Variants in FSHR observed in about 807,000 individuals in gnomAD.
FSHR encodes the protein follicle stimulating hormone receptor.
A neutral mutation model predicts 52.1 loss-of-function variants in FSHR; 46 were observed. The observed-to-expected ratio is 0.88, with a 90% CI of 0.70 to 1.13. The LOEUF (loss-of-function observed/expected upper bound fraction) is 1.13, where lower values mean the gene tolerates loss of function less well. Ranked by LOEUF, FSHR falls within the 50% of genes most tolerant of loss-of-function variation. The probability of loss-of-function intolerance (pLI) is 0.00; values close to 1 mark genes in which losing one functional copy is unlikely to be tolerated. For synonymous variants in FSHR, 399 were observed against 309.6 expected, an observed-to-expected ratio of 1.29 and a Z score of -3.03; for missense variants, 964 against 834.6, an observed-to-expected ratio of 1.16 and a Z score of -1.91.
At chr2:48,995,293 CTGTA>C in intron 4 of FSHR, among the ~76,000 whole-genome samples, 1 of 152,162 alleles carries the variant, frequency 6.6e-6, no homozygotes, top group Admixed American at 6.5e-5. Context: ...TGGTGGAAAA[CTGTA>C]TGCTACTGAT....
intron 4 of FSHR, among the ~76,000 whole-genome samples, chr2:48,994,901 C>G (rs1675954424): frequency 6.6e-6 from 1 of 152,066 alleles, no homozygotes; most frequent in African/African-American, 2.4e-5. Flanking sequence ...CCTGATTGTC[C>G]TTAATCTTCA....
At chr2:48,968,667 T>C (rs1674588639) in intron 9 of FSHR, 31 bp downstream of exon 9, 1 of 1,611,560 alleles carries the variant, frequency 6.2e-7, no homozygotes, top group African/African-American at 1.3e-5. Context: ...ATTGGGGAAA[T>C]GCCTGAGCAG....
At chr2:49,083,599 C>T (rs1456984049) in intron 1 of FSHR, among the ~76,000 whole-genome samples, 2 of 148,814 alleles carry the variant, frequency 1.3e-5, no homozygotes, top group Non-Finnish European at 3.0e-5. Flanking sequence ...TCAGGAAACC[C>T]ATCTCACGTG....
chr2:49,087,070 G>GTTTTT (rs56890721), intron 1 of FSHR, among the ~76,000 whole-genome samples: 11,513 of 86,500 alleles, frequency 0.13, 1,434 homozygotes, highest in Non-Finnish European at 0.17. Flanking sequence ...TGTGGGCAGG[G>GTTTTT]TTTTTTTTTT....
At chr2:49,069,237 G>T (rs1443882976) in intron 1 of FSHR, among the ~76,000 whole-genome samples, 1 of 151,964 alleles carries the variant, frequency 6.6e-6, no homozygotes, top group Non-Finnish European at 1.5e-5. Context: ...GTCTTGCCGT[G>T]GTATCCTCTA....
intron 4 of FSHR, among the ~76,000 whole-genome samples, chr2:48,994,157 A>T (rs565828275): frequency 6.6e-6 from 1 of 152,298 alleles, no homozygotes; most frequent in African/African-American, 2.4e-5. Flanking sequence ...TTTTGTCAAG[A>T]GATGAACTCA....
In FSHR at chr2:49,137,930, A is replaced by G. The variant is rs534017326; in HGVS notation, c.152+16336T>C. Reference sequence around the variant, plus strand: ...GGATATGACACCAAAAGCACAAAAAAAGAATAAAAAAATACTTTGAATGTT... The same window carrying G: ...GGATATGACACCAAAAGCACAAAAAGAGAATAAAAAAATACTTTGAATGTT... On this transcript the variant is annotated intron_variant, in intron 1 of 9. Coordinates refer to ENST00000406846, the MANE Select transcript of FSHR (RefSeq NM_000145.4). 5.9e-5 allele frequency among the ~76,000 whole-genome samples: 9 copies of G among 152,306 alleles called. No individual in the cohort carries two copies. The South Asian group carries it at 1.9e-3, about 32-fold the overall frequency.
chr2:49,061,181 C>T (rs1418578255), intron 2 of FSHR, among the ~76,000 whole-genome samples: 2 of 152,038 alleles, frequency 1.3e-5, no homozygotes, highest in East Asian at 1.9e-4. Flanking sequence ...TACATCTAAT[C>T]CTGCCAAGGA....
In FSHR at chr2:49,087,364, G is replaced by A. The variant is rs564671468; in HGVS notation, c.153-19074C>T. The stretch of plus-strand genomic sequence containing the variant: ...GGAAGGGAAACAAGAAAGCCAGAGA[G>A]GGGAGTCCAAGATGAAGAATCAGAA... On this transcript the variant is annotated intron_variant, in intron 1 of 9. Coordinates refer to ENST00000406846, the MANE Select transcript of FSHR (RefSeq NM_000145.4). 2.9e-4 allele frequency among the ~76,000 whole-genome samples: 44 copies of A among 152,164 alleles called. No individual in the cohort carries two copies. In the South Asian group the frequency reaches 8.9e-3, roughly 31 times the overall value.
intron 1 of FSHR, among the ~76,000 whole-genome samples, chr2:49,123,531 C>A (rs530253409): frequency 5.9e-5 from 9 of 152,204 alleles, no homozygotes; most frequent in East Asian, 1.9e-4. Context: ...AAAGAAATGG[C>A]AAATATTTGA....
At chr2:49,138,177 A>G (rs1470652211) in intron 1 of FSHR, among the ~76,000 whole-genome samples, 1 of 152,188 alleles carries the variant, frequency 6.6e-6, no homozygotes, top group Non-Finnish European at 1.5e-5. Flanking sequence ...ATAGCACTTT[A>G]TACTCAAGAG....
chr2:49,101,630 A>G (rs1671030906), intron 1 of FSHR, among the ~76,000 whole-genome samples: 1 of 152,138 alleles, frequency 6.6e-6, no homozygotes, highest in Admixed American at 6.6e-5. Flanking sequence ...TTTAGCTCCT[A>G]GTTGAAGGGG....
In FSHR at chr2:48,982,964, AATT is replaced by A; in HGVS notation, c.613_615del (p.Asn205del). ...AAAACATCATTAGGCAATTCTTCTA[AATT>A]ATTATTATCGCTTAGATTCCTGGGG... On this transcript the variant is annotated inframe_deletion, in exon 8 of 10. Coordinates refer to ENST00000406846, the MANE Select transcript of FSHR (RefSeq NM_000145.4). The A allele has an allele frequency of 6.2e-7, 1 of 1,614,108 alleles. No individual in the cohort carries two copies. Among genetic ancestry groups the A allele is most frequent in the Non-Finnish European group, 8.5e-7 (1 of 1,179,972 alleles).
Position 48,986,004 on chromosome 2 carries a change from C to T in FSHR, c.525-2838G>A, listed in dbSNP as rs369142208. Reference sequence around the variant, plus strand: ...CTGGGATTACAGGCGTGAGCCACCGCGCCCGGCCGCATGTACACGTTTTTT... The same window carrying T: ...CTGGGATTACAGGCGTGAGCCACCGTGCCCGGCCGCATGTACACGTTTTTT... On this transcript the variant is annotated intron_variant, in intron 6 of 9. Coordinates refer to ENST00000406846, the MANE Select transcript of FSHR (RefSeq NM_000145.4). Among the ~76,000 whole-genome samples, 821 of 152,288 alleles carry T rather than the reference C, an allele frequency of 5.4e-3. 8 individuals are homozygous for T. The highest frequency in any genetic ancestry group is 0.019 in the African/African-American group (782 of 41,572).
intron 1 of FSHR, among the ~76,000 whole-genome samples, chr2:49,097,162 C>T (rs1407883665): frequency 6.6e-6 from 1 of 152,166 alleles, no homozygotes; most frequent in African/African-American, 2.4e-5. Context: ...ATAAAATGTT[C>T]TGCTTTTCTG....
At chr2:48,998,099 T>C (rs2104132220) in intron 4 of FSHR, among the ~76,000 whole-genome samples, 1 of 152,212 alleles carries the variant, frequency 6.6e-6, no homozygotes, top group South Asian at 2.1e-4. Context: ...AACTACTACC[T>C]AGAGTTGATA....
intron 3 of FSHR, among the ~76,000 whole-genome samples, chr2:49,018,616 C>T (rs1403583061): frequency 6.6e-6 from 1 of 152,120 alleles, no homozygotes; most frequent in Non-Finnish European, 1.5e-5. Context: ...GTTCATTTCT[C>T]TGATAATGTC....
intron 2 of FSHR, among the ~76,000 whole-genome samples, chr2:49,032,370 C>A (rs1052336589): frequency 6.6e-6 from 1 of 152,170 alleles, no homozygotes; most frequent in Non-Finnish European, 1.5e-5. Flanking sequence ...TCACACTTGG[C>A]AGGCTCTCAA....
intron 2 of FSHR, among the ~76,000 whole-genome samples, chr2:49,057,984 C>T (rs111977197): frequency 0.02 from 2,989 of 152,178 alleles, 87 homozygotes; most frequent in African/African-American, 0.056. Flanking sequence ...ATGATAAAAA[C>T]TCTCAATAAA....
Sources: allele counts gnomAD v4.1 joint callset (sites outside exome capture counted in the v4.1 genomes callset), GRCh38; gene constraint gnomAD v4.1.1; transcripts MANE v1.5; gene names NCBI Gene and HGNC (gene_info 2026-07-23, HGNC 2026-07-21).